Variants in SLC4A4 observed in about 807,000 individuals in gnomAD.
SLC4A4 encodes the protein solute carrier family 4 member 4.
A neutral mutation model predicts 111.5 loss-of-function variants in SLC4A4; 27 were observed. The observed-to-expected ratio is 0.24, with a 90% CI of 0.18 to 0.33. SLC4A4 has a LOEUF of 0.33. Among genes scored for constraint, SLC4A4 ranks in the 10% least tolerant of loss-of-function variants. The probability of loss-of-function intolerance (pLI) is 1.00; values close to 1 mark genes in which losing one functional copy is unlikely to be tolerated. For missense variants in SLC4A4, 909 were observed against 1,315.5 expected, an observed-to-expected ratio of 0.69 and a Z score of 4.78; for synonymous variants, 443 against 463.4, an observed-to-expected ratio of 0.96 and a Z score of 0.57.
chr4:71,561,065 T>C (rs1055217397), intron 23 of SLC4A4, among the ~76,000 whole-genome samples: 2 of 151,744 alleles, frequency 1.3e-5, no homozygotes, highest in African/African-American at 4.8e-5. Flanking sequence ...AATAATGTTT[T>C]CCATTTGAAA....
intron 2 of SLC4A4, among the ~76,000 whole-genome samples, chr4:71,171,188 G>A (rs992718801): frequency 6.6e-6 from 1 of 151,794 alleles, no homozygotes; most frequent in Non-Finnish European, 1.5e-5. Context: ...AGAATGGTGG[G>A]AGGTTCATCA....
At chr4:71,309,808 G>T (rs779872150) in intron 3 of SLC4A4, among the ~76,000 whole-genome samples, 1 of 151,942 alleles carries the variant, frequency 6.6e-6, no homozygotes, top group African/African-American at 2.4e-5. Context: ...TCCAGCAAGG[G>T]CACAAAATGG....
chr4:71,554,328 T>C (rs1335766718), intron 20 of SLC4A4, among the ~76,000 whole-genome samples: 1 of 151,860 alleles, frequency 6.6e-6, no homozygotes, highest in East Asian at 1.9e-4. Flanking sequence ...TTGAGAACCT[T>C]TTGTTTTTCA....
At chr4:71,227,249 A>T (rs866262414) in intron 1 of SLC4A4, among the ~76,000 whole-genome samples, 23 of 152,274 alleles carry the variant, frequency 1.5e-4, no homozygotes, top group African/African-American at 5.3e-4. Context: ...ATGTACACGA[A>T]GGTGTGGTGG....
chr4:71,245,980 A>C (rs1578666838), intron 2 of SLC4A4, among the ~76,000 whole-genome samples: 1 of 152,270 alleles, frequency 6.6e-6, no homozygotes, highest in South Asian at 2.1e-4. Flanking sequence ...GATGAGGATT[A>C]AATAGTAGCT....
intron 1 of SLC4A4, among the ~76,000 whole-genome samples, chr4:71,208,766 A>G (rs866330555): frequency 2.6e-5 from 4 of 152,140 alleles, no homozygotes; most frequent in African/African-American, 9.7e-5. Flanking sequence ...AAGTTAACCT[A>G]GTTAAGTTGG....
rs1033691980 is a variant in SLC4A4, at chr4:71,251,609, C to T, written c.74-3611C>T. ...ATTTGAACACATGATACTGAAGCCA[C>T]TGCCAAATCAAGGACTGAATGCTCT... On this transcript the variant is annotated intron_variant, in intron 2 of 25. Transcript: ENST00000264485. Among the ~76,000 whole-genome samples, 4 of 152,304 alleles carry T rather than the reference C, an allele frequency of 2.6e-5. No individual in the cohort carries two copies. In the South Asian group the frequency reaches 6.2e-4, roughly 24 times the overall value.
chr4:71,469,109 T>C (rs1464937797), intron 13 of SLC4A4, among the ~76,000 whole-genome samples: 1 of 152,032 alleles, frequency 6.6e-6, no homozygotes, highest in African/African-American at 2.4e-5. Context: ...TGTAGTTTTA[T>C]TTCCCAAATT....
At chr4:71,133,995 A>G (rs2123430) in intron 2 of SLC4A4, among the ~76,000 whole-genome samples, 103,540 of 152,068 alleles carry the variant, frequency 0.68, 37,391 homozygotes, top group Admixed American at 0.81. Context: ...CTGGCTTGCA[A>G]ACAGAGTCCT....
intron 3 of SLC4A4, among the ~76,000 whole-genome samples, chr4:71,261,953 A>C (rs567326452): frequency 6.6e-6 from 1 of 152,052 alleles, no homozygotes; most frequent in East Asian, 1.9e-4. Context: ...AAATGGGGGG[A>C]AACCAGAATA....
rs1719754710 is a variant in SLC4A4 at position 71,395,665 on chromosome 4, C to G, written c.731-1912C>G. On this transcript the variant is annotated intron_variant, in intron 6 of 25. Transcript: ENST00000264485. ...TATTCAGATTTTGCAGCAGTTAGGA[C>G]AGTGCTTGGGCTGAAATGTGCCTTT... Among the ~76,000 whole-genome samples the G allele has an allele frequency of 2.0e-5, 3 of 152,170 alleles. No individual in the cohort carries two copies. The South Asian group carries it at 6.2e-4, about 32-fold the overall frequency.
At chr4:71,497,837 C>T in intron 16 of SLC4A4, 145 bp downstream of exon 16, 1 of 705,412 alleles carries the variant, frequency 1.4e-6, no homozygotes, top group Non-Finnish European at 2.4e-6. Context: ...AATCTTTGTT[C>T]ATGTGCATAC....
At chr4:71,339,321 C>T in intron 3 of SLC4A4, 49 bp from the exon 4 acceptor site, 1 of 1,614,184 alleles carries the variant, frequency 6.2e-7, no homozygotes, top group Non-Finnish European at 8.5e-7. Flanking sequence ...CTCCACTTTC[C>T]TCAGGGTTGT....
At chr4:71,474,173 T>C (rs1230840873) in intron 14 of SLC4A4, among the ~76,000 whole-genome samples, 1 of 151,480 alleles carries the variant, frequency 6.6e-6, no homozygotes, top group Non-Finnish European at 1.5e-5. Context: ...AATTACATGT[T>C]AGTAGCACTA....
At chr4:71,198,155 A>G (rs1746088454) in intron 1 of SLC4A4, among the ~76,000 whole-genome samples, 1 of 152,196 alleles carries the variant, frequency 6.6e-6, no homozygotes, top group Admixed American at 6.5e-5. Flanking sequence ...AGGTGAGAGA[A>G]TATCATTGTT....
chr4:71,422,859 T>G (rs1273025666), intron 7 of SLC4A4, among the ~76,000 whole-genome samples: 5 of 152,196 alleles, frequency 3.3e-5, no homozygotes, highest in Non-Finnish European at 7.3e-5. Context: ...GAGCTATCTA[T>G]GACAAACCCA....
At chr4:71,173,334 G>A (rs1744993670) in intron 2 of SLC4A4, among the ~76,000 whole-genome samples, 1 of 152,140 alleles carries the variant, frequency 6.6e-6, no homozygotes, top group Non-Finnish European at 1.5e-5. Context: ...TGTAATTTAG[G>A]TGTTCTATTG....
At chr4:71,149,811 G>T (rs1383096749) in intron 2 of SLC4A4, among the ~76,000 whole-genome samples, 1 of 152,098 alleles carries the variant, frequency 6.6e-6, no homozygotes, top group Non-Finnish European at 1.5e-5. Flanking sequence ...TGAAAATGCA[G>T]CCAGAGCCAG....
chr4:71,217,403 A>G (rs1469354522), intron 1 of SLC4A4, among the ~76,000 whole-genome samples: 1 of 152,146 alleles, frequency 6.6e-6, no homozygotes, highest in East Asian at 1.9e-4. Context: ...CGTTTCTACA[A>G]ATACAAAATA....
Sources: gnomAD v4.1 joint callset for allele counts (sites outside exome capture counted in the v4.1 genomes callset) on GRCh38, gnomAD v4.1.1 for gene constraint, MANE v1.5 for transcripts, NCBI Gene and HGNC (gene_info 2026-07-23, HGNC 2026-07-21) for gene names.